FHIT: variants seen among roughly 807,000 people sequenced by gnomAD.
FHIT encodes bis(5'-adenosyl)-triphosphatase.
A neutral mutation model predicts 17.9 loss-of-function variants in FHIT; 19 were observed. That is an observed-to-expected ratio of 1.06 (90% CI 0.74 to 1.56). The LOEUF is 1.56. Among genes scored for constraint, FHIT ranks in the 40% most tolerant of loss-of-function variants. The pLI is 0.00. For synonymous variants in FHIT, 81 were observed against 69.7 expected (o/e 1.16, Z -0.81); for missense variants, 248 against 189.2 (o/e 1.31, Z -1.82).
chr3:59,923,316 G>T (rs1015025115), intron 7 of FHIT, among the ~76,000 whole-genome samples: 6 of 151,430 alleles, frequency 4.0e-5, no homozygotes, highest in Non-Finnish European at 5.9e-5. Context: ...GTTCGGTGAG[G>T]ACAGGGCGCC....
chr3:60,686,383 G>A (rs1365899407), intron 4 of FHIT, among the ~76,000 whole-genome samples: 2 of 151,992 alleles, frequency 1.3e-5, no homozygotes, highest in East Asian at 1.9e-4. Flanking sequence ...AGTAATTGTG[G>A]GTTTTGTAAT....
At chr3:60,639,086 C>G (rs2856055) in intron 4 of FHIT, among the ~76,000 whole-genome samples, 112,330 of 144,646 alleles carry the variant, frequency 0.78, 43,727 homozygotes, top group East Asian at 0.81. Context: ...ATGATGTAGG[C>G]AAAGAAAGCC....
At chr3:60,472,936 C>T (rs2033162206) in intron 5 of FHIT, among the ~76,000 whole-genome samples, 1 of 152,100 alleles carries the variant, frequency 6.6e-6, no homozygotes, top group African/African-American at 2.4e-5. Context: ...AGTTTTCTGA[C>T]AACCTGACAT....
chr3:60,497,301 A>G (rs1160563199), intron 5 of FHIT, among the ~76,000 whole-genome samples: 1 of 152,216 alleles, frequency 6.6e-6, no homozygotes, highest in Admixed American at 6.5e-5. Flanking sequence ...GATGAAGTGT[A>G]TCTATAACTT....
intron 5 of FHIT, among the ~76,000 whole-genome samples, chr3:60,462,820 T>G (rs559239108): frequency 6.6e-6 from 1 of 152,322 alleles, no homozygotes; most frequent in East Asian, 1.9e-4. Flanking sequence ...GGGCTAATAC[T>G]TGTGAGTCCA....
intron 2 of FHIT, among the ~76,000 whole-genome samples, chr3:61,139,035 T>A (rs961559456): frequency 4.6e-5 from 7 of 151,028 alleles, no homozygotes; most frequent in Admixed American, 1.3e-4. Context: ...TCAAACTTTT[T>A]TTTTTTTTTT....
intron 5 of FHIT, among the ~76,000 whole-genome samples, chr3:60,364,193 A>G (rs1228376139): frequency 6.6e-6 from 1 of 152,240 alleles, no homozygotes; most frequent in Non-Finnish European, 1.5e-5. Context: ...AGGAATAACA[A>G]AATAATTGTT....
chr3:60,557,747 T>C (rs575833425), intron 4 of FHIT, among the ~76,000 whole-genome samples: 1 of 152,058 alleles, frequency 6.6e-6, no homozygotes, highest in South Asian at 2.1e-4. Context: ...AACATAATAA[T>C]TAAAAGACTG....
intron 5 of FHIT, among the ~76,000 whole-genome samples, chr3:60,214,106 C>G (rs894558617): frequency 2.0e-5 from 3 of 152,034 alleles, no homozygotes; most frequent in African/African-American, 7.2e-5. Flanking sequence ...CAGGCCCTAC[C>G]CTCACTACAA....
intron 5 of FHIT, among the ~76,000 whole-genome samples, chr3:60,488,185 C>T (rs1354667824): frequency 6.6e-6 from 1 of 152,136 alleles, no homozygotes; most frequent in Admixed American, 6.5e-5. Flanking sequence ...CAGGGACCTG[C>T]TAAACAATCA....
chr3:60,125,420 T>C (rs1576156735), intron 5 of FHIT, among the ~76,000 whole-genome samples: 1 of 151,882 alleles, frequency 6.6e-6, no homozygotes, highest in South Asian at 2.1e-4. Flanking sequence ...TCGCCTGAGG[T>C]CAGGAGTTTG....
chr3:60,520,550 G>A (rs764334346), intron 5 of FHIT, among the ~76,000 whole-genome samples: 1 of 152,088 alleles, frequency 6.6e-6, no homozygotes, highest in Non-Finnish European at 1.5e-5. Flanking sequence ...AACCTTTCCA[G>A]CATGTACAGG....
At chr3:60,250,478 A>G (rs956565813) in intron 5 of FHIT, among the ~76,000 whole-genome samples, 31 of 152,318 alleles carry the variant, frequency 2.0e-4, no homozygotes, top group African/African-American at 6.5e-4. Flanking sequence ...TGTTGAAGTC[A>G]TGGGTGACTT....
chr3:60,654,282 C>T (rs943327114), intron 4 of FHIT, among the ~76,000 whole-genome samples: 2 of 152,144 alleles, frequency 1.3e-5, no homozygotes, highest in Non-Finnish European at 1.5e-5. Context: ...CTAATACACA[C>T]CCTTTCTTAG....
intron 5 of FHIT, among the ~76,000 whole-genome samples, chr3:60,016,210 T>C (rs1700338697): frequency 6.6e-6 from 1 of 152,214 alleles, no homozygotes; most frequent in Non-Finnish European, 1.5e-5. Flanking sequence ...TGAATAAATG[T>C]TTTATCCAGT....
At chr3:60,476,826 C>G (rs550696937) in intron 5 of FHIT, among the ~76,000 whole-genome samples, 4 of 149,490 alleles carry the variant, frequency 2.7e-5, no homozygotes. Context: ...CATTTGGTCT[C>G]GTCCTGGACA....
chr3:59,959,273 C>A (rs1447735394), intron 7 of FHIT, among the ~76,000 whole-genome samples: 1 of 152,182 alleles, frequency 6.6e-6, no homozygotes, highest in Admixed American at 6.5e-5. Context: ...CGGAGCTACC[C>A]TTTAAAGATG....
At chr3:60,219,388 G>T (rs1703854160) in intron 5 of FHIT, among the ~76,000 whole-genome samples, 1 of 152,038 alleles carries the variant, frequency 6.6e-6, no homozygotes, top group Non-Finnish European at 1.5e-5. Context: ...ATAAAAGTTG[G>T]GAGTCTCCAG....
rs563970260 is a variant in FHIT, at chr3:61,022,023, C to T, written c.-111+20024G>A. On this transcript the variant is annotated intron_variant, in intron 3 of 9. Transcript: ENST00000492590. ...GGCAAATTTGAAGGAGATAGAGACACGAAAAACCCTTAAAAAAATCAACGA... is the reference window on the plus strand; with the variant it reads ...GGCAAATTTGAAGGAGATAGAGACATGAAAAACCCTTAAAAAAATCAACGA... Among the ~76,000 whole-genome samples, 39 of 151,930 alleles carry T rather than the reference C, an allele frequency of 2.6e-4. No individual in the cohort carries two copies. The South Asian group carries it at 3.9e-3, about 15-fold the overall frequency.
Sources: gnomAD v4.1 joint callset for allele counts (sites outside exome capture counted in the v4.1 genomes callset) on GRCh38, gnomAD v4.1.1 for gene constraint, MANE v1.5 for transcripts, NCBI Gene and HGNC (gene_info 2026-07-23, HGNC 2026-07-21) for gene names.